Variants in GNG13 observed in about 807,000 individuals in gnomAD.
GNG13 encodes the protein G protein subunit gamma 13, also known as guanine nucleotide-binding protein G(I)/G(S)/G(O) subunit gamma-13.
Under a neutral mutation model 8.2 loss-of-function variants are expected in GNG13, and 12 were observed. The ratio of observed to expected loss-of-function variants is 1.47; its 90% CI spans 0.94 to 2.38. The LOEUF (loss-of-function observed/expected upper bound fraction) is 2.38, where lower values mean the gene tolerates loss of function less well. GNG13 is among the 30% of genes most tolerant of loss of function. The probability of loss-of-function intolerance (pLI) is 0.00; values close to 1 mark genes in which losing one functional copy is unlikely to be tolerated. For missense variants in GNG13, 100 were observed against 85.2 expected, an observed-to-expected ratio of 1.17 and a Z score of -0.68; for synonymous variants, 45 against 33.0, an observed-to-expected ratio of 1.37 and a Z score of -1.25.
chr16:799,491 C>T (rs973333134), intron 1 of GNG13, among the ~76,000 whole-genome samples: 6 of 152,328 alleles, frequency 3.9e-5, no homozygotes, highest in East Asian at 3.9e-4. Context: ...AGGTGTGGGG[C>T]GAGGTCCTCA....
Position 798,165 on chromosome 16 carries a change from C to T in GNG13, c.*554G>A. On this transcript the variant is annotated 3_prime_UTR_variant, in exon 3 of 3. Transcript: ENST00000248150. ...GGTGTGAGTGGGGCCAGGAGTGGGG[C>T]TCACAGGATGGTGGGAGTGGGGCCA... 4 of 745,796 alleles carry T rather than the reference C, an allele frequency of 5.4e-6. No individual in the cohort carries two copies. Among genetic ancestry groups the T allele is most frequent in the Admixed American group, 2.6e-5 (1 of 38,386 alleles). The allele number at this position is 745,796 out of a possible 1,614,324, so 46.2% of individuals were successfully genotyped here.
At position 798,652 on chromosome 16, in the gene GNG13, A is replaced by G; in HGVS notation, c.*67T>C. 1 of 961,096 alleles carries G rather than the reference A, an allele frequency of 1.0e-6. No homozygotes were observed. Among genetic ancestry groups the G allele is most frequent in the South Asian group, 1.3e-5 (1 of 77,870 alleles). 59.5% of individuals were successfully genotyped at this position (961,096 alleles called of 1,614,324 possible). Reference sequence around the variant, plus strand: ...AGTGAGTGGGGCTGGGCACAGTCTTACAAGATGGTGGGAGTGGGGCCGGGC... The same window carrying G: ...AGTGAGTGGGGCTGGGCACAGTCTTGCAAGATGGTGGGAGTGGGGCCGGGC... On this transcript the variant is annotated 3_prime_UTR_variant, in exon 3 of 3. Transcript: ENST00000248150.
Position 798,212 on chromosome 16 carries a change from G to C in GNG13, c.*507C>G. The C allele has an allele frequency of 1.6e-6, 1 of 638,462 alleles. No homozygotes were observed. Among genetic ancestry groups the C allele is most frequent in the Admixed American group, 2.7e-5 (1 of 37,584 alleles). 39.5% of individuals were successfully genotyped at this position (638,462 alleles called of 1,614,324 possible). On this transcript the variant is annotated 3_prime_UTR_variant, in exon 3 of 3. Transcript: ENST00000248150. ...GCCAGGCGTGGTCTCACAGGATAGA[G>C]TGAGTGGGGCCGGGCGTGGTCTCAC...
chr16:798,877 C>A, intron 2 of GNG13, 53 bp from the exon 3 acceptor site: 1 of 1,365,796 alleles, frequency 7.3e-7, no homozygotes, highest in Non-Finnish European at 1.0e-6. Flanking sequence ...CCGAGGGCCT[C>A]CTGCTGCACC....
chr16:798,064 A>T lies in GNG13; in HGVS notation c.*655T>A. The T allele has an allele frequency of 6.7e-7, 1 of 1,501,582 alleles. No homozygotes were observed. The highest frequency in any genetic ancestry group is 9.0e-7 in the Non-Finnish European group (1 of 1,116,030). 93.0% of individuals were successfully genotyped at this position (1,501,582 alleles called of 1,614,324 possible). A position where few individuals can be genotyped will look rare whatever the true frequency, so the allele number is the denominator to read the frequency against. ...GATGTCTTTATAAAGTCACACCTTT[A>T]CAGACTGTAATCACGTGCGAGTGGA... On this transcript the variant is annotated 3_prime_UTR_variant, in exon 3 of 3. Transcript: ENST00000248150.
Position 798,091 on chromosome 16 carries a change from TGG to T in GNG13, c.*626_*627del. 7.2e-7 allele frequency: 1 copy of T among 1,392,076 alleles called. No individual in the cohort carries two copies. The highest frequency in any genetic ancestry group is 9.7e-7 in the Non-Finnish European group (1 of 1,030,712). The allele number at this position is 1,392,076 out of a possible 1,614,324, so 86.2% of individuals were successfully genotyped here. A position where few individuals can be genotyped will look rare whatever the true frequency, so the allele number is the denominator to read the frequency against. ...AGACTGTAATCACGTGCGAGTGGAG[TGG>T]GGTTCACAGGATGGTGGGAGTGGGG... is the stretch of plus-strand genomic sequence containing the variant. On this transcript the variant is annotated 3_prime_UTR_variant, in exon 3 of 3. Transcript: ENST00000248150.
At chr16:800,147 C>T (rs967845893) in intron 1 of GNG13, among the ~76,000 whole-genome samples, 1 of 152,064 alleles carries the variant, frequency 6.6e-6, no homozygotes, top group Non-Finnish European at 1.5e-5. Context: ...GGGGAGCGAG[C>T]GGGGGCAGGT....
Position 798,998 on chromosome 16 carries a change from G to A in GNG13, c.80C>T (p.Ala27Val), listed in dbSNP as rs548576026. 4.4e-6 allele frequency: 7 copies of A among 1,601,894 alleles called. No individual in the cohort carries two copies. The highest frequency in any genetic ancestry group is 1.7e-4 in the Middle Eastern group (1 of 6,042). The change falls in exon 2 of 3, where the codon GCG becomes GTG. Residue 27 changes from alanine to valine, a missense_variant. Coordinates refer to ENST00000248150, the MANE Select transcript of GNG13 (RefSeq NM_016541.3). ...CACTCACTCGGGGATGGTCTTGGACGCCATCTCCCGCTGGAAGGCCAGCTG... is the reference window on the plus strand; with the variant it reads ...CACTCACTCGGGGATGGTCTTGGACACCATCTCCCGCTGGAAGGCCAGCTG... ...KYQLAFQREMASKTIPELLKW... is the reference protein window; with the variant it reads ...KYQLAFQREMVSKTIPELLKW...
chr16:798,525 TGAGTGGGGCCGG>T lies in GNG13; in HGVS notation c.*182_*193del, dbSNP rs1671471068. 3 of 536,816 alleles carry T rather than the reference TGAGTGGGGCCGG, an allele frequency of 5.6e-6. No individual in the cohort carries two copies. The highest frequency in any genetic ancestry group is 5.2e-5 in the Admixed American group (2 of 38,098). The allele number at this position is 536,816 out of a possible 1,614,324, so 33.3% of individuals were successfully genotyped here. A position where few individuals can be genotyped will look rare whatever the true frequency, so the allele number is the denominator to read the frequency against. On this transcript the variant is annotated 3_prime_UTR_variant, in exon 3 of 3. Coordinates refer to ENST00000248150, the MANE Select transcript of GNG13 (RefSeq NM_016541.3). ...CTGGGCATAGTCTTACAAGATGGAG[TGAGTGGGGCCGG>T]GAGTGGGGCTCACAGGTTGGTGTGA...
intron 1 of GNG13, among the ~76,000 whole-genome samples, chr16:799,908 CAG>C (rs1186384825): frequency 7.2e-6 from 1 of 138,432 alleles, no homozygotes; most frequent in Non-Finnish European, 1.6e-5. Flanking sequence ...GGTTGGGAGA[CAG>C]GGCTGAACCT....
In GNG13 at chr16:798,235, C is replaced by G; in HGVS notation, c.*484G>C. The G allele has an allele frequency of 1.7e-6, 1 of 582,570 alleles. No homozygotes were observed. Among genetic ancestry groups the G allele is most frequent in the Non-Finnish European group, 3.0e-6 (1 of 333,250 alleles). The allele number at this position is 582,570 out of a possible 1,614,324, so 36.1% of individuals were successfully genotyped here. On this transcript the variant is annotated 3_prime_UTR_variant, in exon 3 of 3. Coordinates refer to ENST00000248150, the MANE Select transcript of GNG13 (RefSeq NM_016541.3). ...GAGTGAGTGGGGCCGGGCGTGGTCTCACAGGATGGAGTGAATGGGGCCGGG... is the reference window on the plus strand; with the variant it reads ...GAGTGAGTGGGGCCGGGCGTGGTCTGACAGGATGGAGTGAATGGGGCCGGG...
chr16:799,260 G>T (rs1215979020), intron 1 of GNG13, 149 bp from the exon 2 acceptor site: 3 of 602,942 alleles, frequency 5.0e-6, no homozygotes, highest in Non-Finnish European at 8.9e-6. Flanking sequence ...GGCGTTGCTA[G>T]GGTGCAGGGC....
At position 798,618 on chromosome 16, in the gene GNG13, A is replaced by G. The variant is rs1370263725; in HGVS notation, c.*101T>C. ...GGGAGTGGGGCTGGGAGTGGGACTC[A>G]CAGGATGGAGTGAGTGGGGCTGGGC... On this transcript the variant is annotated 3_prime_UTR_variant, in exon 3 of 3. Coordinates refer to ENST00000248150, the MANE Select transcript of GNG13 (RefSeq NM_016541.3). The G allele has an allele frequency of 1.2e-6, 1 of 816,750 alleles. No individual in the cohort carries two copies. 50.6% of individuals were successfully genotyped at this position (816,750 alleles called of 1,614,324 possible). A position where few individuals can be genotyped will look rare whatever the true frequency, so the allele number is the denominator to read the frequency against.
rs1389108001 is a variant in GNG13 at position 798,641 on chromosome 16, G to T, written c.*78C>A. 3 of 899,758 alleles carry T rather than the reference G, an allele frequency of 3.3e-6. No homozygotes were observed. In the East Asian group the frequency reaches 7.2e-5, roughly 22 times the overall value. The allele number at this position is 899,758 out of a possible 1,614,324, so 55.7% of individuals were successfully genotyped here. A position where few individuals can be genotyped will look rare whatever the true frequency, so the allele number is the denominator to read the frequency against. ...TCACAGGATGGAGTGAGTGGGGCTG[G>T]GCACAGTCTTACAAGATGGTGGGAG... On this transcript the variant is annotated 3_prime_UTR_variant, in exon 3 of 3. Transcript: ENST00000248150.
chr16:798,055 C>G lies in GNG13; in HGVS notation c.*664G>C. On this transcript the variant is annotated 3_prime_UTR_variant, in exon 3 of 3. Transcript: ENST00000248150. ...GAAGCTGGAGATGTCTTTATAAAGT[C>G]ACACCTTTACAGACTGTAATCACGT... The G allele has an allele frequency of 6.6e-7, 1 of 1,512,882 alleles. No individual in the cohort carries two copies. The highest frequency in any genetic ancestry group is 8.9e-7 in the Non-Finnish European group (1 of 1,122,172). The allele number at this position is 1,512,882 out of a possible 1,614,324, so 93.7% of individuals were successfully genotyped here. A position where few individuals can be genotyped will look rare whatever the true frequency, so the allele number is the denominator to read the frequency against.
At chr16:800,521 C>A (rs144130844) in intron 1 of GNG13, 145 bp downstream of exon 1, 1 of 152,332 alleles carries the variant, frequency 6.6e-6, no homozygotes, top group Non-Finnish European at 1.5e-5. Context: ...CCTGCAGCAC[C>A]GGCTCGGGTT....
At chr16:800,315 G>T (rs938092623) in intron 1 of GNG13, among the ~76,000 whole-genome samples, 1 of 152,182 alleles carries the variant, frequency 6.6e-6, no homozygotes, top group Non-Finnish European at 1.5e-5. Context: ...GTCCTCCCAG[G>T]CCCGGGGTGT....
At chr16:800,294 G>A (rs966345028) in intron 1 of GNG13, among the ~76,000 whole-genome samples, 1 of 152,206 alleles carries the variant, frequency 6.6e-6, no homozygotes, top group Non-Finnish European at 1.5e-5. Flanking sequence ...CGCAGGACTA[G>A]CTGCGTGCGG....
chr16:798,595 GAGTGGGGCTGGGAGTGGGA>G lies in GNG13; in HGVS notation c.*105_*123del. On this transcript the variant is annotated 3_prime_UTR_variant, in exon 3 of 3. Transcript: ENST00000248150. ...CGGGCATGGGCTCACAGGATGGTGG[GAGTGGGGCTGGGAGTGGGA>G]CTCACAGGATGGAGTGAGTGGGGCT... is the stretch of plus-strand genomic sequence containing the variant. 2 of 765,990 alleles carry G rather than the reference GAGTGGGGCTGGGAGTGGGA, an allele frequency of 2.6e-6. No individual in the cohort carries two copies. Among genetic ancestry groups the G allele is most frequent in the Admixed American group, 1.7e-5 (1 of 58,152 alleles). 47.4% of individuals were successfully genotyped at this position (765,990 alleles called of 1,614,324 possible).
Sources: allele counts gnomAD v4.1 joint callset (sites outside exome capture counted in the v4.1 genomes callset), GRCh38; gene constraint gnomAD v4.1.1; transcripts MANE v1.5; gene names NCBI Gene and HGNC (gene_info 2026-07-23, HGNC 2026-07-21).